The following LDB2 variants were observed in gnomAD, a reference collection of about 807,000 sequenced individuals.
The protein encoded by LDB2 is LIM domain-binding protein 2.
Under a neutral mutation model 44.3 loss-of-function variants are expected in LDB2, and 12 were observed. That is an observed-to-expected ratio of 0.27 (90% CI 0.17 to 0.44). LDB2 has a LOEUF of 0.44. LDB2 is among the 20% of genes least tolerant of loss of function. The pLI is 1.00. For missense variants in LDB2, 344 were observed against 473.5 expected, an observed-to-expected ratio of 0.73 and a Z score of 2.54; for synonymous variants, 164 against 174.8, an observed-to-expected ratio of 0.94 and a Z score of 0.49.
intron 2 of LDB2, among the ~76,000 whole-genome samples, chr4:16,721,547 C>A (rs1758284015): frequency 1.3e-5 from 2 of 152,118 alleles, no homozygotes; most frequent in Non-Finnish European, 2.9e-5. Flanking sequence ...TTCCCCTGGG[C>A]TCTCTAAAAT....
Position 16,740,770 on chromosome 4 carries a change from A to G in LDB2, c.235+18388T>C, listed in dbSNP as rs540594019. Among the ~76,000 whole-genome samples, 3 of 152,360 alleles carry G rather than the reference A, an allele frequency of 2.0e-5. No homozygotes were observed. In the East Asian group the frequency reaches 5.8e-4, roughly 29 times the overall value. On this transcript the variant is annotated intron_variant, in intron 2 of 7. Coordinates refer to ENST00000304523, the MANE Select transcript of LDB2 (RefSeq NM_001290.5). ...GCCTTGATGCCTTACTCTATTGCACAGGCATATTTTCATTCATAGTTTGAC... is the reference window on the plus strand; with the variant it reads ...GCCTTGATGCCTTACTCTATTGCACGGGCATATTTTCATTCATAGTTTGAC...
At chr4:16,725,144 A>C (rs1759145971) in intron 2 of LDB2, among the ~76,000 whole-genome samples, 1 of 152,090 alleles carries the variant, frequency 6.6e-6, no homozygotes, top group Non-Finnish European at 1.5e-5. Flanking sequence ...AGCTAGCCCC[A>C]CCTATTCACT....
intron 1 of LDB2, among the ~76,000 whole-genome samples, chr4:16,858,610 G>A (rs1789862393): frequency 2.0e-5 from 3 of 152,156 alleles, no homozygotes; most frequent in South Asian, 2.1e-4. Context: ...CCCGGTCCTC[G>A]ACTTTATCAC....
chr4:16,613,550 G>A (rs1726255980), intron 2 of LDB2, among the ~76,000 whole-genome samples: 1 of 152,118 alleles, frequency 6.6e-6, no homozygotes, highest in Admixed American at 6.5e-5. Context: ...TTCTTGAACT[G>A]ATAAGCAACT....
At chr4:16,721,343 G>T (rs1374615196) in intron 2 of LDB2, among the ~76,000 whole-genome samples, 1 of 152,104 alleles carries the variant, frequency 6.6e-6, no homozygotes, top group East Asian at 1.9e-4. Flanking sequence ...GGGACAGCAT[G>T]TTTTGCCTCT....
At chr4:16,593,111 G>A (rs1719687782) in intron 3 of LDB2, among the ~76,000 whole-genome samples, 1 of 152,116 alleles carries the variant, frequency 6.6e-6, no homozygotes, top group African/African-American at 2.4e-5. Flanking sequence ...TATTTCTGTT[G>A]ATTAGGATTG....
intron 5 of LDB2, among the ~76,000 whole-genome samples, chr4:16,530,844 A>G (rs1729901332): frequency 6.6e-6 from 1 of 152,194 alleles, no homozygotes; most frequent in Admixed American, 6.5e-5. Flanking sequence ...TACTCCATCT[A>G]GACAGCATCA....
intron 2 of LDB2, among the ~76,000 whole-genome samples, chr4:16,734,972 G>A (rs547652234): frequency 6.6e-6 from 1 of 152,236 alleles, no homozygotes; most frequent in East Asian, 1.9e-4. Context: ...GCCTCCCAAA[G>A]TGCTGGGATT....
intron 2 of LDB2, among the ~76,000 whole-genome samples, chr4:16,637,196 G>T (rs1032171665): frequency 6.6e-6 from 1 of 150,828 alleles, no homozygotes. Context: ...AAGGAAGGAG[G>T]TTTAAGTTAC....
intron 1 of LDB2, among the ~76,000 whole-genome samples, chr4:16,792,603 GA>G (rs1478452657): frequency 6.6e-6 from 1 of 151,982 alleles, no homozygotes; most frequent in Non-Finnish European, 1.5e-5. Context: ...CTTCCTTTTC[GA>G]AAGATGCATC....
intron 2 of LDB2, among the ~76,000 whole-genome samples, chr4:16,629,920 A>G (rs1280379552): frequency 4.6e-5 from 7 of 152,198 alleles, no homozygotes; most frequent in Admixed American, 1.3e-4. Flanking sequence ...CAAAACCTCC[A>G]AGAAATATGG....
Position 16,652,291 on chromosome 4 carries a change from TTAAGGATACA to T in LDB2, c.236-56426_236-56417del, listed in dbSNP as rs1165462005. On this transcript the variant is annotated intron_variant, in intron 2 of 7. Coordinates refer to ENST00000304523, the MANE Select transcript of LDB2 (RefSeq NM_001290.5). ...AAAAAAGAGTAATTTATTTTGCATGTTAAGGATACATACGCAAAGCACATGAAACTAAAAA... is the reference window on the plus strand; with the variant it reads ...AAAAAAGAGTAATTTATTTTGCATGTTACGCAAAGCACATGAAACTAAAAA... Among the ~76,000 whole-genome samples the T allele has an allele frequency of 1.4e-4, 21 of 152,290 alleles. 1 individual carries two copies. The highest frequency in any genetic ancestry group is 1.3e-3 in the Admixed American group (20 of 15,308).
At chr4:16,866,993 A>T (rs1714928290) in intron 1 of LDB2, among the ~76,000 whole-genome samples, 1 of 152,154 alleles carries the variant, frequency 6.6e-6, no homozygotes, top group East Asian at 1.9e-4. Flanking sequence ...CAACCTTGCC[A>T]AACAGAACCT....
In LDB2 at chr4:16,817,069, G is replaced by T. The variant is rs548683909; in HGVS notation, c.133-57809C>A. Among the ~76,000 whole-genome samples, 14 of 152,296 alleles carry T rather than the reference G, an allele frequency of 9.2e-5. No homozygotes were observed. The South Asian group carries it at 2.9e-3, about 32-fold the overall frequency. Reference sequence around the variant, plus strand: ...TGGGGGGAACAGGCCCTGTGAAGGAGTTGCTAGAAGTTGCCATTTTTGAGC... The same window carrying T: ...TGGGGGGAACAGGCCCTGTGAAGGATTTGCTAGAAGTTGCCATTTTTGAGC... On this transcript the variant is annotated intron_variant, in intron 1 of 7. Coordinates refer to ENST00000304523, the MANE Select transcript of LDB2 (RefSeq NM_001290.5).
rs150356355 is a variant in LDB2 at position 16,505,796 on chromosome 4, C to CA, written c.891+2738dup. On this transcript the variant is annotated intron_variant, in intron 7 of 7. Transcript: ENST00000304523. ...CCCGGAGGTGCCACCAGCTCTCACC[C>CA]ATTTCACATCTTCTCACTAATCCCC... The CA allele has an allele frequency of 1.5e-3, 2,291 of 1,497,860 alleles. 31 individuals are homozygous for CA. The African/African-American group carries it at 0.027, about 17-fold the overall frequency. The allele number at this position is 1,497,860 out of a possible 1,614,324, so 92.8% of individuals were successfully genotyped here.
At chr4:16,887,929 GAGAC>G (rs1342118632) in intron 1 of LDB2, among the ~76,000 whole-genome samples, 2 of 151,748 alleles carry the variant, frequency 1.3e-5, no homozygotes, top group Non-Finnish European at 2.9e-5. Context: ...AAAAAAAAAA[GAGAC>G]AGGTAGCGTT....
intron 5 of LDB2, among the ~76,000 whole-genome samples, chr4:16,549,314 T>C (rs1214004034): frequency 6.6e-6 from 1 of 152,204 alleles, no homozygotes; most frequent in Non-Finnish European, 1.5e-5. Flanking sequence ...AAGTTATAAC[T>C]GCATTAGGGG....
chr4:16,853,528 G>T (rs1788705357), intron 1 of LDB2, among the ~76,000 whole-genome samples: 1 of 152,146 alleles, frequency 6.6e-6, no homozygotes, highest in Non-Finnish European at 1.5e-5. Context: ...ACTGTTAGTG[G>T]AAATATAGAT....
intron 4 of LDB2, among the ~76,000 whole-genome samples, chr4:16,586,527 A>AC (rs1716999359): frequency 1.5e-5 from 1 of 67,204 alleles, no homozygotes; most frequent in South Asian, 5.6e-4. Context: ...CACACACACA[A>AC]AACACACACA....
Sources: allele counts gnomAD v4.1 joint callset (sites outside exome capture counted in the v4.1 genomes callset), GRCh38; gene constraint gnomAD v4.1.1; transcripts MANE v1.5; gene names NCBI Gene and HGNC (gene_info 2026-07-23, HGNC 2026-07-21).